MBNL1: variants seen among roughly 807,000 people sequenced by gnomAD.
MBNL1 encodes muscleblind like splicing regulator 1, also known as muscleblind-like protein 1.
Under a neutral mutation model 42.2 loss-of-function variants are expected in MBNL1, and 8 were observed. That is an observed-to-expected ratio of 0.19 (90% CI 0.11 to 0.34). The LOEUF (loss-of-function observed/expected upper bound fraction) is 0.34, where lower values mean the gene tolerates loss of function less well. Among genes scored for constraint, MBNL1 ranks in the 10% least tolerant of loss-of-function variants. MBNL1 has a pLI of 1.00. For missense variants in MBNL1, 309 were observed against 495.3 expected (o/e 0.62, Z 3.57); for synonymous variants, 169 against 173.9 (o/e 0.97, Z 0.22).
intron 2 of MBNL1, among the ~76,000 whole-genome samples, chr3:152,315,333 A>G (rs1279877279): frequency 6.6e-6 from 1 of 152,134 alleles, no homozygotes; most frequent in Non-Finnish European, 1.5e-5. Flanking sequence ...GGGGGTTAAC[A>G]CCTTTAGATT....
Position 152,420,733 on chromosome 3 carries a change from C to T in MBNL1, c.345+5622C>T, listed in dbSNP as rs747143758. 3.9e-5 allele frequency among the ~76,000 whole-genome samples: 6 copies of T among 152,136 alleles called. No individual in the cohort carries two copies. The East Asian group carries it at 7.7e-4, about 20-fold the overall frequency. ...TCTTCTCCAAAGGATCACAACTCCTCGCCAGCAAGGGAACAAAACTGGACA... is the reference window on the plus strand; with the variant it reads ...TCTTCTCCAAAGGATCACAACTCCTTGCCAGCAAGGGAACAAAACTGGACA... On this transcript the variant is annotated intron_variant, in intron 3 of 9. Coordinates refer to ENST00000324210, the MANE Select transcript of MBNL1 (RefSeq NM_021038.5).
chr3:152,346,200 A>G lies in MBNL1; in HGVS notation c.174+45833A>G, dbSNP rs535480532. Among the ~76,000 whole-genome samples, 54 of 152,242 alleles carry G rather than the reference A, an allele frequency of 3.5e-4. 1 individual carries two copies. The highest frequency in any genetic ancestry group is 1.2e-3 in the African/African-American group (50 of 41,556). On this transcript the variant is annotated intron_variant, in intron 2 of 9. Transcript: ENST00000324210. The stretch of plus-strand genomic sequence containing the variant: ...GAGGTGAGACAGCTAAGCTTAAGAC[A>G]AAAAACAATGTGAAGTTATGTCCTT...
At chr3:152,311,508 T>C (rs549674778) in intron 2 of MBNL1, among the ~76,000 whole-genome samples, 1 of 152,352 alleles carries the variant, frequency 6.6e-6, no homozygotes, top group South Asian at 2.1e-4. Context: ...TATCTTATTG[T>C]ATGTCATGCT....
rs1207434781 is a variant in MBNL1, at chr3:152,299,626, GAA to G, written c.-564_-563del. Reference sequence around the variant, plus strand: ...TTTAGTGTTAAAAGAAAAGTTTGCTGAAAAAGTAAGATATCTTCTGCCAGGAA... The same window carrying G: ...TTTAGTGTTAAAAGAAAAGTTTGCTGAAAGTAAGATATCTTCTGCCAGGAA... On this transcript the variant is annotated 5_prime_UTR_variant, in exon 2 of 10. Coordinates refer to ENST00000324210, the MANE Select transcript of MBNL1 (RefSeq NM_021038.5). The G allele has an allele frequency of 2.5e-6, 1 of 398,266 alleles. No homozygotes were observed. The highest frequency in any genetic ancestry group is 4.4e-6 in the Non-Finnish European group (1 of 225,954). 24.7% of individuals were successfully genotyped at this position (398,266 alleles called of 1,614,324 possible).
At chr3:152,318,119 A>C (rs1053369864) in intron 2 of MBNL1, among the ~76,000 whole-genome samples, 3 of 152,188 alleles carry the variant, frequency 2.0e-5, no homozygotes, top group African/African-American at 7.2e-5. Context: ...TGAATGAGTC[A>C]AGCAAGCAAT....
chr3:152,404,793 ATAAT>A (rs570825229), intron 2 of MBNL1, among the ~76,000 whole-genome samples: 67 of 149,862 alleles, frequency 4.5e-4, no homozygotes, highest in African/African-American at 1.3e-3. Context: ...ATAACTATAT[ATAAT>A]TAATTTTTCA....
In MBNL1 at chr3:152,432,787, C is replaced by T; in HGVS notation, c.416C>T (p.Pro139Leu). 1 of 1,614,166 alleles carries T rather than the reference C, an allele frequency of 6.2e-7. No homozygotes were observed. The highest frequency in any genetic ancestry group is 2.2e-5 in the East Asian group (1 of 44,884). Residue 139 changes from proline (P) to leucine (L), a missense_variant, in exon 4 of 10, where the codon CCT (proline) becomes CTT (leucine). Transcript: ENST00000324210. Reference sequence around the variant, plus strand: ...GCCGCCTTTAATCCCTATCTGGGACCTGTTTCTCCAAGCCTGGTCCCGGCA... The same window carrying T: ...GCCGCCTTTAATCCCTATCTGGGACTTGTTTCTCCAAGCCTGGTCCCGGCA... ...SAAAFNPYLG[P>L]VSPSLVPAEI...
At chr3:152,435,395 CTG>C (rs753771088) in intron 4 of MBNL1, among the ~76,000 whole-genome samples, 41 of 152,194 alleles carry the variant, frequency 2.7e-4, no homozygotes, top group Admixed American at 9.2e-4. Flanking sequence ...TTCCATTGGT[CTG>C]TGTGTCTTTT....
chr3:152,431,364 A>G (rs1437971161), intron 3 of MBNL1, among the ~76,000 whole-genome samples: 1 of 152,170 alleles, frequency 6.6e-6, no homozygotes, highest in East Asian at 1.9e-4. Flanking sequence ...AATTCATTTT[A>G]TTTTTCTAAA....
chr3:152,319,661 A>G (rs1202529185), intron 2 of MBNL1, among the ~76,000 whole-genome samples: 3 of 129,238 alleles, frequency 2.3e-5, no homozygotes, highest in Non-Finnish European at 3.1e-5. Flanking sequence ...AGACTCTCCA[A>G]AAAAATGCAT....
intron 3 of MBNL1, among the ~76,000 whole-genome samples, chr3:152,415,381 A>T (rs117889116): frequency 0.013 from 2,033 of 152,278 alleles, 39 homozygotes; most frequent in East Asian, 0.071. Context: ...AGACTGGCAG[A>T]TGTTAAAATG....
intron 1 of MBNL1, among the ~76,000 whole-genome samples, chr3:152,294,573 C>G (rs1447762422): frequency 6.6e-6 from 1 of 151,984 alleles, no homozygotes; most frequent in African/African-American, 2.4e-5. Flanking sequence ...CGTGAGCCAC[C>G]GTGCCCGGCC....
chr3:152,319,614 GTTTTTTTT>G (rs202070328), intron 2 of MBNL1, among the ~76,000 whole-genome samples: 808 of 80,552 alleles, frequency 0.01, 15 homozygotes, highest in African/African-American at 0.028. Flanking sequence ...GTTCTATACT[GTTTTTTTT>G]TTTTTTTTTT....
At chr3:152,275,836 T>C (rs2044778211) in intron 1 of MBNL1, among the ~76,000 whole-genome samples, 1 of 151,566 alleles carries the variant, frequency 6.6e-6, no homozygotes, top group African/African-American at 2.4e-5. Context: ...TAAGAAGTGA[T>C]ATCAATATTA....
chr3:152,259,847 T>C (rs965131869), intron 2 of MBNL1, among the ~76,000 whole-genome samples: 5 of 152,198 alleles, frequency 3.3e-5, no homozygotes, highest in Non-Finnish European at 7.3e-5. Context: ...ACATTTGAAT[T>C]CAATAAAAAA....
rs1204662768 is a variant in MBNL1, at chr3:152,464,256, T to G, written c.*1890T>G. ...AAATACAAAAAAAAGTAGTTTTTCC[T>G]TCATAACATACTCAGTTTTGAATTA... On this transcript the variant is annotated 3_prime_UTR_variant, in exon 10 of 10. Coordinates refer to ENST00000324210, the MANE Select transcript of MBNL1 (RefSeq NM_021038.5). 6.6e-6 allele frequency: 1 copy of G among 152,558 alleles called. No individual in the cohort carries two copies. The highest frequency in any genetic ancestry group is 2.4e-5 in the African/African-American group (1 of 41,468). The allele number at this position is 152,558 out of a possible 1,614,324, so 9.5% of individuals were successfully genotyped here. A position where few individuals can be genotyped will look rare whatever the true frequency, so the allele number is the denominator to read the frequency against.
intron 5 of MBNL1, 144 bp downstream of exon 5, chr3:152,445,683 A>G (rs2099213598): frequency 6.0e-6 from 5 of 838,860 alleles, no homozygotes; most frequent in Admixed American, 2.9e-5. Flanking sequence ...GACAATATAT[A>G]AAGAAGTTAC....
chr3:152,317,621 A>G (rs2072888262), intron 2 of MBNL1, among the ~76,000 whole-genome samples: 1 of 152,026 alleles, frequency 6.6e-6, no homozygotes, highest in Non-Finnish European at 1.5e-5. Flanking sequence ...TGCCTGGCCT[A>G]TTTTTTGTTT....
At chr3:152,435,554 A>T (rs2099067916) in intron 4 of MBNL1, among the ~76,000 whole-genome samples, 1 of 152,136 alleles carries the variant, frequency 6.6e-6, no homozygotes, top group Non-Finnish European at 1.5e-5. Context: ...ATTTTTAAAT[A>T]GTTTTTTTTC....
Sources: allele counts gnomAD v4.1 joint callset (sites outside exome capture counted in the v4.1 genomes callset), GRCh38; gene constraint gnomAD v4.1.1; transcripts MANE v1.5; gene names NCBI Gene and HGNC (gene_info 2026-07-23, HGNC 2026-07-21).